Variants in AGBL4 observed in about 807,000 individuals in gnomAD.
AGBL4 encodes cytosolic carboxypeptidase 6.
A neutral mutation model predicts 66.4 loss-of-function variants in AGBL4; 58 were observed. The observed-to-expected ratio is 0.87, with a 90% CI of 0.71 to 1.09. The LOEUF is 1.09. AGBL4 is among the 50% of genes least tolerant of loss of function. The pLI, the probability that AGBL4 is intolerant of heterozygous loss-of-function variation, is 0.00. For missense variants in AGBL4, 579 were observed against 631.0 expected, an observed-to-expected ratio of 0.92 and a Z score of 0.88; for synonymous variants, 234 against 222.9, an observed-to-expected ratio of 1.05 and a Z score of -0.44.
intron 3 of AGBL4, among the ~76,000 whole-genome samples, chr1:49,459,452 C>T (rs553263034): frequency 5.3e-5 from 8 of 151,648 alleles, no homozygotes; most frequent in Non-Finnish European, 1.2e-4. Context: ...GTAGTAGTAT[C>T]TCCCATTTCA....
chr1:48,538,389 T>C lies in AGBL4; in HGVS notation c.1364+1253A>G, dbSNP rs552691997. 3.9e-5 allele frequency among the ~76,000 whole-genome samples: 6 copies of C among 152,352 alleles called. No individual in the cohort carries two copies. In the East Asian group the frequency reaches 1.2e-3, roughly 29 times the overall value. ...TCTACAAAACCATATTTAGAGATTG[T>C]TGTTATTATCCCCATTTATAGGTAA... On this transcript the variant is annotated intron_variant, in intron 12 of 13. Transcript: ENST00000371839.
chr1:49,848,064 G>T (rs983845339), intron 2 of AGBL4, among the ~76,000 whole-genome samples: 1 of 152,156 alleles, frequency 6.6e-6, no homozygotes, highest in African/African-American at 2.4e-5. Flanking sequence ...AAACTACAAT[G>T]AGATATCTTA....
rs199509545 is a variant in AGBL4 at position 49,012,056 on chromosome 1, TA to T, written c.594+33527del. 2.0e-3 allele frequency among the ~76,000 whole-genome samples: 298 copies of T among 148,016 alleles called. 2 individuals carry two copies. Among genetic ancestry groups the T allele is most frequent in the African/African-American group, 6.3e-3 (252 of 40,296 alleles). On this transcript the variant is annotated intron_variant, in intron 5 of 13. Coordinates refer to ENST00000371839, the MANE Select transcript of AGBL4 (RefSeq NM_032785.4). The stretch of plus-strand genomic sequence containing the variant: ...TAATAAAAGAAAAAAAAAAGCTACA[TA>T]AAAAAAAAGGAACTCCCCCACCCCC...
At chr1:49,062,647 G>A (rs3850871) in intron 4 of AGBL4, among the ~76,000 whole-genome samples, 148,115 of 152,258 alleles carry the variant, frequency 0.97, 72,161 homozygotes, top group East Asian at 1. Context: ...TTTACCCCTA[G>A]AAGAGATGCA....
chr1:48,638,008 C>G (rs1163113965), intron 8 of AGBL4, among the ~76,000 whole-genome samples: 2 of 152,164 alleles, frequency 1.3e-5, no homozygotes, highest in African/African-American at 4.8e-5. Context: ...AATCATAAAA[C>G]AATTGTATCC....
chr1:49,381,609 G>C (rs1644611863), intron 3 of AGBL4, among the ~76,000 whole-genome samples: 2 of 151,956 alleles, frequency 1.3e-5, no homozygotes, highest in African/African-American at 4.8e-5. Flanking sequence ...ATGTCTAACA[G>C]TATTAGACTG....
intron 5 of AGBL4, among the ~76,000 whole-genome samples, chr1:48,981,686 A>C (rs1418536653): frequency 6.6e-6 from 1 of 152,160 alleles, no homozygotes; most frequent in Non-Finnish European, 1.5e-5. Context: ...GGGGTTCGAG[A>C]CCAGCCTGAC....
chr1:49,142,422 C>A (rs1257151890), intron 4 of AGBL4, among the ~76,000 whole-genome samples: 1 of 152,196 alleles, frequency 6.6e-6, no homozygotes, highest in Non-Finnish European at 1.5e-5. Flanking sequence ...CTGCCACTCA[C>A]TAGCTGAGTG....
chr1:49,030,848 A>G (rs1426822793), intron 5 of AGBL4, among the ~76,000 whole-genome samples: 2 of 151,360 alleles, frequency 1.3e-5, no homozygotes, highest in African/African-American at 4.9e-5. Flanking sequence ...GGAAAAAAAG[A>G]AAAAAAATGG....
intron 3 of AGBL4, among the ~76,000 whole-genome samples, chr1:49,493,076 T>C (rs1647237383): frequency 6.6e-6 from 1 of 151,908 alleles, no homozygotes. Flanking sequence ...GAGAACAGCA[T>C]GGAGGTAACT....
At chr1:48,539,002 C>T (rs1644017823) in intron 12 of AGBL4, among the ~76,000 whole-genome samples, 1 of 152,168 alleles carries the variant, frequency 6.6e-6, no homozygotes, top group African/African-American at 2.4e-5. Flanking sequence ...AGCCAGTGGT[C>T]ATGGAAGTGC....
At chr1:49,333,949 G>C (rs926922955) in intron 3 of AGBL4, among the ~76,000 whole-genome samples, 1 of 152,156 alleles carries the variant, frequency 6.6e-6, no homozygotes, top group Non-Finnish European at 1.5e-5. Flanking sequence ...CCCAAACTAA[G>C]AGCAGATGCA....
chr1:49,927,525 A>G (rs1652897326), intron 1 of AGBL4, among the ~76,000 whole-genome samples: 1 of 152,174 alleles, frequency 6.6e-6, no homozygotes, highest in Non-Finnish European at 1.5e-5. Flanking sequence ...CAAGAACAGC[A>G]TGGGAGAAAC....
intron 8 of AGBL4, among the ~76,000 whole-genome samples, chr1:48,642,349 G>C (rs1013563246): frequency 1.3e-5 from 2 of 152,196 alleles, no homozygotes; most frequent in Admixed American, 6.5e-5. Context: ...CCAACCCTAA[G>C]AAATTCTTCC....
chr1:48,790,206 A>T (rs1246806223), intron 6 of AGBL4, among the ~76,000 whole-genome samples: 1 of 152,142 alleles, frequency 6.6e-6, no homozygotes, highest in South Asian at 2.1e-4. Flanking sequence ...TACCAGCACT[A>T]TTCATGTGTT....
Position 48,761,182 on chromosome 1 carries a change from C to T in AGBL4, c.635-97941G>A, listed in dbSNP as rs139149288. ...AGTTGGCCAGCAAGGCAAATACACA[C>T]GAGTTGTCCCACGCTTTCACTACCC... On this transcript the variant is annotated intron_variant, in intron 6 of 13. Transcript: ENST00000371839. 61 of 816,038 alleles carry T rather than the reference C, an allele frequency of 7.5e-5. 1 individual carries two copies. Among genetic ancestry groups the T allele is most frequent in the South Asian group, 5.6e-4 (29 of 52,014 alleles). The allele number at this position is 816,038 out of a possible 1,614,324, so 50.5% of individuals were successfully genotyped here. A position where few individuals can be genotyped will look rare whatever the true frequency, so the allele number is the denominator to read the frequency against.
intron 3 of AGBL4, among the ~76,000 whole-genome samples, chr1:49,445,432 T>A (rs528825396): frequency 6.6e-6 from 1 of 152,258 alleles, no homozygotes; most frequent in East Asian, 1.9e-4. Flanking sequence ...CTTAAATAGG[T>A]TTTCTAATCC....
intron 1 of AGBL4, among the ~76,000 whole-genome samples, chr1:49,919,954 T>A (rs1652025913): frequency 6.6e-6 from 1 of 152,212 alleles, no homozygotes; most frequent in South Asian, 2.1e-4. Flanking sequence ...AACTATCTGA[T>A]CTTTGACAAA....
intron 6 of AGBL4, among the ~76,000 whole-genome samples, chr1:48,760,476 T>G (rs1391800880): frequency 6.6e-6 from 1 of 152,246 alleles, no homozygotes; most frequent in Non-Finnish European, 1.5e-5. Flanking sequence ...TTTTATCTGC[T>G]GAGATAAGGT....
Sources: gnomAD v4.1 joint callset for allele counts (sites outside exome capture counted in the v4.1 genomes callset) on GRCh38, gnomAD v4.1.1 for gene constraint, MANE v1.5 for transcripts, NCBI Gene and HGNC (gene_info 2026-07-23, HGNC 2026-07-21) for gene names.